Variants in PCDHGA2 observed in about 807,000 individuals in gnomAD.
PCDHGA2 encodes protocadherin gamma subfamily A, 2.
In PCDHGA2, 40 loss-of-function variants were observed where a neutral mutation model predicts 59.2. The observed-to-expected ratio is 0.68, with a 90% CI of 0.52 to 0.88. The LOEUF is 0.88. Among genes scored for constraint, PCDHGA2 ranks in the 40% least tolerant of loss-of-function variants. PCDHGA2 has a pLI of 0.00. For missense variants in PCDHGA2, 1,226 were observed against 1,204.0 expected, an observed-to-expected ratio of 1.02 and a Z score of -0.27; for synonymous variants, 560 against 526.0, an observed-to-expected ratio of 1.06 and a Z score of -0.89.
At chr5:141,406,116 AG>A (rs982166274) in intron 1 of PCDHGA2, among the ~76,000 whole-genome samples, 4 of 147,788 alleles carry the variant, frequency 2.7e-5, no homozygotes, top group African/African-American at 1.0e-4. Context: ...TCTGTTGTCC[AG>A]GGTGGAATGC....
chr5:141,371,174 C>T (rs777820402), intron 1 of PCDHGA2: 1 of 1,613,994 alleles, frequency 6.2e-7, no homozygotes, highest in Middle Eastern at 1.6e-4. Flanking sequence ...CTGGCTCCTC[C>T]GTATTAAAAG....
chr5:141,344,212 C>A (rs777942977), intron 1 of PCDHGA2: 16 of 1,613,874 alleles, frequency 9.9e-6, no homozygotes, highest in African/African-American at 4.0e-5. Context: ...CGGGAGCTGG[C>A]GGAGCGCGGA....
chr5:141,403,613 C>T lies in PCDHGA2; in HGVS notation c.2424+62218C>T, dbSNP rs769394271. On this transcript the variant is annotated intron_variant, in intron 1 of 3. Transcript: ENST00000394576. ...CACGGCCTCGGATGGCGGCGAGCCG[C>T]GTCGCTCCAGCACAGTGCGCATCCA... The T allele has an allele frequency of 3.5e-5, 56 of 1,613,778 alleles. No homozygotes were observed. Among genetic ancestry groups the T allele is most frequent in the Non-Finnish European group, 4.7e-5 (55 of 1,179,908 alleles).
intron 1 of PCDHGA2, chr5:141,441,752 C>A (rs1043293959): frequency 5.3e-6 from 2 of 377,970 alleles, no homozygotes; most frequent in Non-Finnish European, 5.3e-6. Flanking sequence ...TCGGCGTCAA[C>A]GTGAGCCTGC....
In PCDHGA2 at chr5:141,341,181, G is replaced by C. The variant is rs1757029559; in HGVS notation, c.2210G>C (p.Ser737Thr). 6.2e-7 allele frequency: 1 copy of C among 1,614,104 alleles called. No homozygotes were observed. Among genetic ancestry groups the C allele is most frequent in the African/African-American group, 1.3e-5 (1 of 74,938 alleles). Reference sequence around the variant, plus strand: ...GGAGGCAGCTTGACAGGCATGCAGAGCTCGCACTTTGTGGGCGTGGACGGG... The same window carrying C: ...GGAGGCAGCTTGACAGGCATGCAGACCTCGCACTTTGTGGGCGTGGACGGG... The part of the protein sequence containing the change: ...ASGGSLTGMQ[S>T]SHFVGVDGVR... Residue 737 changes from serine (S) to threonine (T), a missense_variant, in exon 1 of 4, where the codon AGC (serine) becomes ACC (threonine). Ser to Thr is a moderately conservative substitution (Grantham distance 58). Coordinates refer to ENST00000394576, the MANE Select transcript of PCDHGA2 (RefSeq NM_018915.4).
chr5:141,385,200 C>G (rs776177043), intron 1 of PCDHGA2: 4 of 1,614,214 alleles, frequency 2.5e-6, no homozygotes, highest in Middle Eastern at 3.3e-4. Flanking sequence ...GGAAGAGTCA[C>G]CTGATCTTCC....
chr5:141,387,143 G>A (rs1310461267), intron 1 of PCDHGA2, among the ~76,000 whole-genome samples: 3 of 152,158 alleles, frequency 2.0e-5, no homozygotes, highest in Admixed American at 6.5e-5. Flanking sequence ...TATTGGGAAG[G>A]GGGTGTATTT....
intron 1 of PCDHGA2, chr5:141,412,149 C>G (rs1369304212): frequency 2.0e-5 from 3 of 152,146 alleles, no homozygotes; most frequent in African/African-American, 7.2e-5. Flanking sequence ...TACAAACTGC[C>G]TAAGAGAAGA....
Position 141,370,908 on chromosome 5 carries a change from C to G in PCDHGA2, c.2424+29513C>G, listed in dbSNP as rs372602970. ...TGTCAATTCGCTGCAGCAGTACTACCTCAGCCCTGATCCGCACTTCTCTTT... is the reference window on the plus strand; with the variant it reads ...TGTCAATTCGCTGCAGCAGTACTACGTCAGCCCTGATCCGCACTTCTCTTT... On this transcript the variant is annotated intron_variant, in intron 1 of 3. Transcript: ENST00000394576. 2.5e-6 allele frequency: 4 copies of G among 1,614,028 alleles called. No homozygotes were observed. The Admixed American group carries it at 6.7e-5, about 27-fold the overall frequency.
intron 2 of PCDHGA2, among the ~76,000 whole-genome samples, chr5:141,503,985 T>C (rs1277024188): frequency 6.6e-6 from 1 of 152,150 alleles, no homozygotes; most frequent in African/African-American, 2.4e-5. Flanking sequence ...ACCCTTCTTC[T>C]TACCTTACAG....
chr5:141,403,044 T>C lies in PCDHGA2; in HGVS notation c.2424+61649T>C, dbSNP rs914251787. 7 of 1,613,960 alleles carry C rather than the reference T, an allele frequency of 4.3e-6. No individual in the cohort carries two copies. The Admixed American group carries it at 8.3e-5, about 19-fold the overall frequency. ...CTATGGGAGGCCAGGGCCAGTCAGA[T>C]TCGCTACTCAGTGCCTGAAGAGACA... is the stretch of plus-strand genomic sequence containing the variant. On this transcript the variant is annotated intron_variant, in intron 1 of 3. Transcript: ENST00000394576.
chr5:141,415,651 A>C, intron 1 of PCDHGA2: 1 of 1,595,106 alleles, frequency 6.3e-7, no homozygotes. Context: ...TAAAAAAAAA[A>C]AGATTGGTTT....
intron 1 of PCDHGA2, chr5:141,355,415 C>G (rs753835027): frequency 6.2e-7 from 1 of 1,614,096 alleles, no homozygotes; most frequent in South Asian, 1.1e-5. Context: ...AGAGGTAGGA[C>G]GCAGCTTTTC....
At chr5:141,368,236 C>G (rs1444187989) in intron 1 of PCDHGA2, among the ~76,000 whole-genome samples, 1 of 152,160 alleles carries the variant, frequency 6.6e-6, no homozygotes, top group Non-Finnish European at 1.5e-5. Context: ...CTACATTACT[C>G]AACCACATGA....
intron 1 of PCDHGA2, chr5:141,423,750 TGG>T (rs144521096): frequency 3.2e-4 from 92 of 287,850 alleles, no homozygotes; most frequent in South Asian, 5.2e-4. Context: ...GAAAACTGTT[TGG>T]GGGGGGGGTG....
intron 1 of PCDHGA2, chr5:141,422,019 G>T (rs777239843): frequency 1.9e-6 from 3 of 1,610,862 alleles, no homozygotes; most frequent in Non-Finnish European, 2.5e-6. Context: ...GGGTGCTGAT[G>T]GTTAATGCAA....
At chr5:141,352,233 TA>T (rs1758954803) in intron 1 of PCDHGA2, 1 of 1,613,962 alleles carries the variant, frequency 6.2e-7, no homozygotes, top group Non-Finnish European at 8.5e-7. Flanking sequence ...ACGCTGCACC[TA>T]ATCTTCGCGG....
rs1376914747 is a variant in PCDHGA2, at chr5:141,432,008, A to T, written c.2425-62799A>T. On this transcript the variant is annotated intron_variant, in intron 1 of 3. Coordinates refer to ENST00000394576, the MANE Select transcript of PCDHGA2 (RefSeq NM_018915.4). This position sits in a 1 kb window ranked among gnomAD's most constrained non-coding sequence, Gnocchi z 6.0. ...AGTCTTGGATAGGGAACAGGTTCCT[A>T]GCTACAACATCACAGTGACCGCCAC... 1 of 1,614,200 alleles carries T rather than the reference A, an allele frequency of 6.2e-7. No homozygotes were observed. The highest frequency in any genetic ancestry group is 2.2e-5 in the East Asian group (1 of 44,888).
rs541159563 is a variant in PCDHGA2, at chr5:141,383,854, G to A, written c.2424+42459G>A. 2.3e-5 allele frequency: 37 copies of A among 1,613,942 alleles called. No homozygotes were observed. The South Asian group carries it at 3.4e-4, about 15-fold the overall frequency. Reference sequence around the variant, plus strand: ...AGAAACTGCCTTCTATGAAATGGAGGTTCAGGCTCAAGATGGTCCTGGTAG... The same window carrying A: ...AGAAACTGCCTTCTATGAAATGGAGATTCAGGCTCAAGATGGTCCTGGTAG... On this transcript the variant is annotated intron_variant, in intron 1 of 3. Transcript: ENST00000394576.
Sources: gnomAD v4.1 joint callset for allele counts (sites outside exome capture counted in the v4.1 genomes callset) on GRCh38, gnomAD v4.1.1 for gene constraint, Gnocchi (gnomAD v3.1) non-coding constraint, MANE v1.5 for transcripts, NCBI Gene and HGNC (gene_info 2026-07-23, HGNC 2026-07-21) for gene names.